Variants in PHF14 observed in about 807,000 individuals in gnomAD.
PHF14 encodes the protein PHD finger protein 14.
In PHF14, 55 loss-of-function variants were observed where a neutral mutation model predicts 117.9. The observed-to-expected ratio is 0.47, with a 90% confidence interval of 0.38 to 0.58. The LOEUF is 0.58. Among genes scored for constraint, PHF14 ranks in the 20% least tolerant of loss-of-function variants. The pLI is 0.00. For synonymous variants in PHF14, 409 were observed against 368.6 expected, an observed-to-expected ratio of 1.11 and a Z score of -1.26; for missense variants, 978 against 1,122.2, an observed-to-expected ratio of 0.87 and a Z score of 1.84.
intron 16 of PHF14, chr7:11,105,274 G>A (rs947733920): frequency 1.1e-6 from 1 of 952,056 alleles, no homozygotes; most frequent in Non-Finnish European, 1.3e-6. Context: ...GTGTTCATCT[G>A]ATTTTATATT....
chr7:11,145,485 C>T (rs1456021702), intron 17 of PHF14, among the ~76,000 whole-genome samples: 2 of 152,012 alleles, frequency 1.3e-5, no homozygotes. Context: ...GCAGTTACTT[C>T]ACTATAAGCA....
chr7:11,120,210 C>G (rs1029863274), intron 17 of PHF14, among the ~76,000 whole-genome samples: 44 of 151,920 alleles, frequency 2.9e-4, no homozygotes, highest in African/African-American at 1.0e-3. Context: ...AAACTGGGCT[C>G]AGGTCTTAAC....
At chr7:10,994,008 CA>C (rs1166211936) in intron 4 of PHF14, among the ~76,000 whole-genome samples, 18,340 of 81,972 alleles carry the variant, frequency 0.22, 1,099 homozygotes, top group Middle Eastern at 0.31. Context: ...GACTCTGTCT[CA>C]AAAAAAAAAA....
chr7:11,025,866 C>T (rs986639900), intron 6 of PHF14, among the ~76,000 whole-genome samples: 2 of 152,078 alleles, frequency 1.3e-5, no homozygotes, highest in Non-Finnish European at 2.9e-5. Context: ...AATCCCGACA[C>T]TTTGGGAGGC....
Position 10,990,814 on chromosome 7 carries a change from C to T in PHF14, c.1012C>T (p.Gln338Ter). 6.3e-7 allele frequency: 1 copy of T among 1,591,110 alleles called. No individual in the cohort carries two copies. The highest frequency in any genetic ancestry group is 8.6e-7 in the Non-Finnish European group (1 of 1,166,992). Residue 338 changes from glutamine (Q) to a stop codon, truncating the protein, a stop_gained, in exon 4 of 18, where the codon CAG becomes TAG. Coordinates refer to ENST00000634607, the MANE Select transcript of PHF14 (RefSeq NM_001007157.2). LOFTEE classifies it high-confidence loss of function. The stretch of plus-strand genomic sequence containing the variant: ...TAGTGAGGACGCTGATGAAATAATT[C>T]AGTGTGACAATTGTGGCATTACAGT... The part of the protein sequence containing the change: ...DNSEDADEII[Q>*]CDNCGITVHE...
At chr7:11,087,447 C>T (rs968427951) in intron 16 of PHF14, among the ~76,000 whole-genome samples, 4 of 152,164 alleles carry the variant, frequency 2.6e-5, no homozygotes, top group Non-Finnish European at 5.9e-5. Flanking sequence ...GCCTCGGCCT[C>T]CCAAAGTGCT....
At chr7:11,043,345 C>A (rs976057247) in intron 13 of PHF14, among the ~76,000 whole-genome samples, 1 of 151,576 alleles carries the variant, frequency 6.6e-6, no homozygotes. Flanking sequence ...GTTATAGTAT[C>A]TATAATGAGT....
chr7:11,051,379 A>G (rs1173020082), intron 13 of PHF14, among the ~76,000 whole-genome samples: 8 of 152,140 alleles, frequency 5.3e-5, no homozygotes, highest in Admixed American at 4.6e-4. Flanking sequence ...GCATTGTTAA[A>G]TGTGTTCTTA....
At chr7:10,995,493 A>G (rs1782606539) in intron 4 of PHF14, among the ~76,000 whole-genome samples, 1 of 152,160 alleles carries the variant, frequency 6.6e-6, no homozygotes. Context: ...GGCTTCACCC[A>G]GTGGATCCCG....
At chr7:11,122,348 T>TACACACACACACAC (rs1311000231) in intron 17 of PHF14, among the ~76,000 whole-genome samples, 1 of 61,610 alleles carries the variant, frequency 1.6e-5, no homozygotes, top group Admixed American at 1.8e-4. Context: ...TATATATATA[T>TACACACACACACAC]ATATACACAC....
At chr7:11,126,712 A>G (rs762669504) in intron 17 of PHF14, among the ~76,000 whole-genome samples, 9 of 151,778 alleles carry the variant, frequency 5.9e-5, no homozygotes, top group Non-Finnish European at 8.8e-5. Context: ...TAAGATAGCA[A>G]TGTCCCTAAT....
intron 16 of PHF14, chr7:11,106,700 G>T: frequency 1.0e-6 from 1 of 984,380 alleles, no homozygotes; most frequent in African/African-American, 1.7e-5. Flanking sequence ...CTGCTAGTGA[G>T]ATTTTTATTT....
At chr7:11,011,734 T>C (rs12673032) in intron 4 of PHF14, among the ~76,000 whole-genome samples, 4,157 of 152,310 alleles carry the variant, frequency 0.027, 217 homozygotes, top group East Asian at 0.24. Context: ...AAGGATGTTT[T>C]ACATTAGGGC....
At chr7:11,107,728 G>T (rs1362168806) in intron 16 of PHF14, 3 of 796,166 alleles carry the variant, frequency 3.8e-6, no homozygotes, top group Non-Finnish European at 4.6e-6. Flanking sequence ...ATTTAATAAA[G>T]TATATTGTGT....
chr7:11,094,186 T>C (rs1786754876), intron 16 of PHF14, among the ~76,000 whole-genome samples: 1 of 152,182 alleles, frequency 6.6e-6, no homozygotes, highest in Admixed American at 6.5e-5. Flanking sequence ...GGTGGAGGTG[T>C]CTGTTAGTTT....
intron 16 of PHF14, among the ~76,000 whole-genome samples, chr7:11,067,832 G>A (rs1410806260): frequency 6.6e-6 from 1 of 152,080 alleles, no homozygotes; most frequent in African/African-American, 2.4e-5. Flanking sequence ...GAGAGGGGGA[G>A]ATGCCAGGCT....
At chr7:11,040,280 A>T (rs1022745050) in intron 11 of PHF14, among the ~76,000 whole-genome samples, 58 of 152,090 alleles carry the variant, frequency 3.8e-4, no homozygotes, top group African/African-American at 1.4e-3. Context: ...CAATAAGATA[A>T]TTTTTCTAAT....
At chr7:10,995,441 A>T (rs1223504912) in intron 4 of PHF14, among the ~76,000 whole-genome samples, 1 of 152,224 alleles carries the variant, frequency 6.6e-6, no homozygotes, top group Non-Finnish European at 1.5e-5. Context: ...TTAGCTAGAC[A>T]TAAAGGTTCT....
chr7:11,165,860 A>G (rs746997378), intron 17 of PHF14, among the ~76,000 whole-genome samples: 8 of 152,222 alleles, frequency 5.3e-5, no homozygotes, highest in Non-Finnish European at 1.2e-4. Context: ...TAAGATAAAC[A>G]TGGCAGTGTG....
Sources: gnomAD v4.1 joint callset for allele counts (sites outside exome capture counted in the v4.1 genomes callset) on GRCh38, gnomAD v4.1.1 for gene constraint, MANE v1.5 for transcripts, NCBI Gene and HGNC (gene_info 2026-07-23, HGNC 2026-07-21) for gene names.